Variants in PCDHGA4 observed in about 807,000 individuals in gnomAD.
The protein encoded by PCDHGA4 is protocadherin gamma subfamily A, 4.
In PCDHGA4, 38 loss-of-function variants were observed where a neutral mutation model predicts 54.6. The ratio of observed to expected loss-of-function variants is 0.70; its 90% CI spans 0.54 to 0.91. PCDHGA4 has a LOEUF of 0.91. Ranked by LOEUF, PCDHGA4 falls within the 40% of genes least tolerant of loss-of-function variation. The pLI, the probability that PCDHGA4 is intolerant of heterozygous loss-of-function variation, is 0.00. For synonymous variants in PCDHGA4, 511 were observed against 512.9 expected (o/e 1.00, Z 0.05); for missense variants, 1,298 against 1,220.9 (o/e 1.06, Z -0.94).
In PCDHGA4 at chr5:141,364,151, G is replaced by T. The variant is rs1285824596; in HGVS notation, c.2514+6530G>T. The T allele has an allele frequency of 1.1e-5, 6 of 558,010 alleles. No individual in the cohort carries two copies. The African/African-American group carries it at 1.2e-4, about 11-fold the overall frequency. 34.6% of individuals were successfully genotyped at this position (558,010 alleles called of 1,614,324 possible). ...TGTTGACCAAAGTGGGAAAGAAGCT[G>T]CCGCAGAGGCGACCCGACTCTGCTC... On this transcript the variant is annotated intron_variant, in intron 1 of 3. Transcript: ENST00000571252.
At position 141,487,501 on chromosome 5, in the gene PCDHGA4, T is replaced by C. The variant is rs746285663; in HGVS notation, c.2515-7306T>C. 1.2e-6 allele frequency: 2 copies of C among 1,614,232 alleles called. No individual in the cohort carries two copies. The highest frequency in any genetic ancestry group is 3.3e-5 in the Admixed American group (2 of 60,028). ...ACTCTCATGGCTGTACACCCTTGGC[T>C]TCTGCACCCACTCGGAGTGATAGCT... On this transcript the variant is annotated intron_variant, in intron 1 of 3. Coordinates refer to ENST00000571252, the MANE Select transcript of PCDHGA4 (RefSeq NM_018917.4). The surrounding 1 kb of genome is among the most constrained non-coding windows in gnomAD (Gnocchi z 5.0).
intron 1 of PCDHGA4, chr5:141,409,251 C>T (rs2095247124): frequency 6.2e-7 from 1 of 1,613,922 alleles, no homozygotes; most frequent in Non-Finnish European, 8.5e-7. Context: ...ATAATCATCA[C>T]TTCTCTCTCT....
intron 1 of PCDHGA4, among the ~76,000 whole-genome samples, chr5:141,425,812 G>A (rs1472168775): frequency 6.6e-6 from 1 of 152,054 alleles, no homozygotes; most frequent in African/African-American, 2.4e-5. Context: ...CTTCTGCTTA[G>A]AAAAAAACAA....
At chr5:141,370,384 C>T (rs777134390) in intron 1 of PCDHGA4, 6 of 1,534,384 alleles carry the variant, frequency 3.9e-6, no homozygotes, top group Non-Finnish European at 5.2e-6. Context: ...GGCAAAGGCG[C>T]AGAGAGCGGG....
chr5:141,433,812 G>A (rs535623556), intron 1 of PCDHGA4, among the ~76,000 whole-genome samples: 46 of 150,530 alleles, frequency 3.1e-4, no homozygotes, highest in African/African-American at 1.1e-3. Context: ...ACTCCAGCCT[G>A]GGCAACAAGA....
intron 1 of PCDHGA4, chr5:141,421,419 A>T (rs778839137): frequency 1.2e-6 from 2 of 1,614,072 alleles, no homozygotes; most frequent in Non-Finnish European, 1.7e-6. Context: ...CGAAGCGCGG[A>T]GTCCGCATCG....
intron 1 of PCDHGA4, chr5:141,360,421 T>A: frequency 6.2e-7 from 1 of 1,613,968 alleles, no homozygotes; most frequent in Non-Finnish European, 8.5e-7. Flanking sequence ...AGAACAGATA[T>A]GCGGGAAGCA....
At position 141,485,841 on chromosome 5, in the gene PCDHGA4, C is replaced by G. The variant is rs969476505; in HGVS notation, c.2515-8966C>G. On this transcript the variant is annotated intron_variant, in intron 1 of 3. Transcript: ENST00000571252. This position sits in a 1 kb window ranked among gnomAD's most constrained non-coding sequence, Gnocchi z 5.7. Reference sequence around the variant, plus strand: ...GTCGATGGAGGGAACCCGCCGAGATCTGGCACCGCAGAGCTCCGGGTATCC... The same window carrying G: ...GTCGATGGAGGGAACCCGCCGAGATGTGGCACCGCAGAGCTCCGGGTATCC... 29 of 1,614,104 alleles carry G rather than the reference C, an allele frequency of 1.8e-5. No individual in the cohort carries two copies. The highest frequency in any genetic ancestry group is 2.2e-5 in the South Asian group (2 of 91,080).
intron 2 of PCDHGA4, among the ~76,000 whole-genome samples, chr5:141,500,768 A>C (rs2099802446): frequency 6.6e-6 from 1 of 152,180 alleles, no homozygotes; most frequent in African/African-American, 2.4e-5. Flanking sequence ...AACTCCTCTT[A>C]TGAATATACA....
chr5:141,433,067 T>C, intron 1 of PCDHGA4: 3 of 1,614,144 alleles, frequency 1.9e-6, no homozygotes, highest in Non-Finnish European at 2.5e-6. Context: ...TCACCTGATC[T>C]TCCCCCAGCC....
At position 141,491,134 on chromosome 5, in the gene PCDHGA4, C is replaced by T. The variant is rs1594979273; in HGVS notation, c.2515-3673C>T. Reference sequence around the variant, plus strand: ...ACACACTGGTGAGGTGCGCACAGCCCGGGCCTTACTGGAGGATGACTCTGA... The same window carrying T: ...ACACACTGGTGAGGTGCGCACAGCCTGGGCCTTACTGGAGGATGACTCTGA... On this transcript the variant is annotated intron_variant, in intron 1 of 3. Transcript: ENST00000571252. The surrounding 1 kb of genome is among the most constrained non-coding windows in gnomAD (Gnocchi z 6.9). The T allele has an allele frequency of 6.2e-7, 1 of 1,614,138 alleles. No homozygotes were observed. Among genetic ancestry groups the T allele is most frequent in the Non-Finnish European group, 8.5e-7 (1 of 1,179,994 alleles).
intron 1 of PCDHGA4, chr5:141,399,936 C>A (rs1370105984): frequency 6.2e-7 from 1 of 1,612,268 alleles, no homozygotes; most frequent in African/African-American, 1.3e-5. Flanking sequence ...TGTCCTACCA[C>A]GTGCTGCAGG....
At chr5:141,457,784 T>G (rs1021614051) in intron 1 of PCDHGA4, among the ~76,000 whole-genome samples, 1 of 152,210 alleles carries the variant, frequency 6.6e-6, no homozygotes, top group Non-Finnish European at 1.5e-5. Flanking sequence ...TACCTGTGAG[T>G]TGGGTTATCC....
chr5:141,427,103 G>A (rs1216465844), intron 1 of PCDHGA4: 3 of 457,888 alleles, frequency 6.6e-6, no homozygotes, highest in Non-Finnish European at 1.3e-5. Flanking sequence ...GTGTCAATGC[G>A]GAGATCACCT....
At chr5:141,369,372 TA>T (rs1766193599) in intron 1 of PCDHGA4, among the ~76,000 whole-genome samples, 1 of 152,142 alleles carries the variant, frequency 6.6e-6, no homozygotes, top group Non-Finnish European at 1.5e-5. Flanking sequence ...ACATCCTTTG[TA>T]AAAGTTTTTC....
In PCDHGA4 at chr5:141,476,321, G is replaced by GT; in HGVS notation, c.2515-18485dup. ...CCTCTCAGCCCGCAGGTTCCGGGTG[G>GT]TGTCTGGAGCTAGCCGAAGATTCTT... On this transcript the variant is annotated intron_variant, in intron 1 of 3. Coordinates refer to ENST00000571252, the MANE Select transcript of PCDHGA4 (RefSeq NM_018917.4). The surrounding 1 kb of genome is among the most constrained non-coding windows in gnomAD (Gnocchi z 7.6). The GT allele has an allele frequency of 6.2e-7, 1 of 1,614,196 alleles. No individual in the cohort carries two copies. Among genetic ancestry groups the GT allele is most frequent in the Non-Finnish European group, 8.5e-7 (1 of 1,180,050 alleles).
rs201085226 is a variant in PCDHGA4 at position 141,365,970 on chromosome 5, C to T, written c.2514+8349C>T. 2.6e-5 allele frequency: 42 copies of T among 1,614,138 alleles called. 1 individual carries two copies. The Admixed American group carries it at 4.3e-4, about 17-fold the overall frequency. On this transcript the variant is annotated intron_variant, in intron 1 of 3. Transcript: ENST00000571252. ...AACCCTCCACTTAGCAGCAACGTGT[C>T]GCTGAGCCTGTTTGTGCTGGACCAG...
intron 1 of PCDHGA4, among the ~76,000 whole-genome samples, chr5:141,450,313 T>G (rs2098676929): frequency 6.6e-6 from 1 of 152,172 alleles, no homozygotes; most frequent in Middle Eastern, 3.4e-3. Context: ...ATGTGTGGCC[T>G]AGTTGCCATG....
intron 1 of PCDHGA4, among the ~76,000 whole-genome samples, chr5:141,464,723 T>A (rs1166321691): frequency 6.6e-6 from 1 of 152,156 alleles, no homozygotes; most frequent in Non-Finnish European, 1.5e-5. Flanking sequence ...TTTCATATGT[T>A]TAAAAGCCAG....
Sources: gnomAD v4.1 joint callset for allele counts (sites outside exome capture counted in the v4.1 genomes callset) on GRCh38, gnomAD v4.1.1 for gene constraint, Gnocchi (gnomAD v3.1) non-coding constraint, MANE v1.5 for transcripts, NCBI Gene and HGNC (gene_info 2026-07-23, HGNC 2026-07-21) for gene names.